The following ZEB2 variants were observed in gnomAD, a reference collection of about 807,000 sequenced individuals.
ZEB2 encodes the protein zinc finger E-box-binding homeobox 2.
In ZEB2, 6 loss-of-function variants were observed where a neutral mutation model predicts 99.9. That is an observed-to-expected ratio of 0.06 (90% CI 0.03 to 0.12). The LOEUF (loss-of-function observed/expected upper bound fraction) is 0.12, where lower values mean the gene tolerates loss of function less well. Among genes scored for constraint, ZEB2 ranks in the 10% least tolerant of loss-of-function variants. The pLI, the probability that ZEB2 is intolerant of heterozygous loss-of-function variation, is 1.00. For missense variants in ZEB2, 969 were observed against 1,502.8 expected, an observed-to-expected ratio of 0.64 and a Z score of 5.87; for synonymous variants, 517 against 542.5, an observed-to-expected ratio of 0.95 and a Z score of 0.65.
At position 144,388,737 on chromosome 2, in the gene ZEB2, G is replaced by A; in HGVS notation, c.*714C>T. 2.7e-6 allele frequency: 1 copy of A among 373,826 alleles called. No homozygotes were observed. The highest frequency in any genetic ancestry group is 5.2e-6 in the Non-Finnish European group (1 of 191,868). The allele number at this position is 373,826 out of a possible 1,614,324, so 23.2% of individuals were successfully genotyped here. A position where few individuals can be genotyped will look rare whatever the true frequency, so the allele number is the denominator to read the frequency against. On this transcript the variant is annotated 3_prime_UTR_variant, in exon 10 of 10. Transcript: ENST00000627532. The surrounding 1 kb of genome is among the most constrained non-coding windows in gnomAD (Gnocchi z 5.4). ...ACACTGTACAAGGATGGCACTTGCA[G>A]AAACACAGATTAAAAGGTTTGCATA...
intron 2 of ZEB2, among the ~76,000 whole-genome samples, chr2:144,505,150 GAA>G (rs201575142): frequency 8.2e-6 from 1 of 122,052 alleles, no homozygotes. Flanking sequence ...AGAGAGAGAA[GAA>G]AAAAAAAAAA....
chr2:144,448,441 G>A (rs991714272), intron 2 of ZEB2, among the ~76,000 whole-genome samples: 1 of 152,154 alleles, frequency 6.6e-6, no homozygotes, highest in Non-Finnish European at 1.5e-5. Flanking sequence ...GCTAAGTGGT[G>A]AAATTGAGTT....
chr2:144,464,062 G>T (rs1376425494), intron 2 of ZEB2: 1 of 152,164 alleles, frequency 6.6e-6, no homozygotes, highest in Non-Finnish European at 1.5e-5. Context: ...ACTTAGTCTA[G>T]AACCTTGTAG....
chr2:144,403,885 A>C, intron 6 of ZEB2, 31 bp downstream of exon 6: 1 of 1,612,964 alleles, frequency 6.2e-7, no homozygotes, highest in Non-Finnish European at 8.5e-7. Context: ...GGGTTATTAT[A>C]GAAAGAAATC....
chr2:144,509,701 G>A (rs1425317949), intron 2 of ZEB2, among the ~76,000 whole-genome samples: 1 of 152,088 alleles, frequency 6.6e-6, no homozygotes, highest in Non-Finnish European at 1.5e-5. Context: ...TCTCAAAAGT[G>A]GTTTCAGAAA....
chr2:144,510,346 C>T (rs769799999), intron 2 of ZEB2, among the ~76,000 whole-genome samples: 3 of 151,638 alleles, frequency 2.0e-5, no homozygotes, highest in Admixed American at 6.6e-5. Flanking sequence ...CCAGCTCGCC[C>T]GTCCCTCCCA....
At chr2:144,464,701 A>G (rs1704247159) in intron 2 of ZEB2, among the ~76,000 whole-genome samples, 2 of 152,188 alleles carry the variant, frequency 1.3e-5, no homozygotes, top group Admixed American at 1.3e-4. Context: ...CTCAGTACAC[A>G]CAGTACACAA....
At chr2:144,397,917 A>G (rs1573714665) in intron 8 of ZEB2, 1 of 341,848 alleles carries the variant, frequency 2.9e-6, no homozygotes, top group South Asian at 2.4e-5. Context: ...CTGGGATTAC[A>G]GGCATGAGCC....
chr2:144,458,884 A>G (rs1299311457), intron 2 of ZEB2, among the ~76,000 whole-genome samples: 1 of 152,192 alleles, frequency 6.6e-6, no homozygotes, highest in Non-Finnish European at 1.5e-5. Context: ...ATTTTGAGAT[A>G]CCAAGAATAA....
chr2:144,495,729 C>G (rs1704748545), intron 2 of ZEB2: 1 of 152,288 alleles, frequency 6.6e-6, no homozygotes, highest in African/African-American at 2.4e-5. Flanking sequence ...TGATTTTCCT[C>G]ACTTCACTGG....
chr2:144,507,821 G>A (rs1477019675), intron 2 of ZEB2, among the ~76,000 whole-genome samples: 1 of 152,152 alleles, frequency 6.6e-6, no homozygotes, highest in African/African-American at 2.4e-5. Flanking sequence ...GTTGCTGAGG[G>A]GAGACAAAGT....
chr2:144,491,935 T>C (rs1704686722), intron 2 of ZEB2, among the ~76,000 whole-genome samples: 1 of 152,244 alleles, frequency 6.6e-6, no homozygotes, highest in Non-Finnish European at 1.5e-5. Context: ...TTTGAATGTA[T>C]TTCTGGTATG....
intron 2 of ZEB2, among the ~76,000 whole-genome samples, chr2:144,443,560 C>T (rs1226853120): frequency 1.3e-5 from 2 of 152,034 alleles, no homozygotes; most frequent in Admixed American, 1.3e-4. Context: ...TTAAGCGTAA[C>T]CTGAGTTGTA....
chr2:144,462,534 A>G (rs1037098017), intron 2 of ZEB2: 12 of 152,210 alleles, frequency 7.9e-5, no homozygotes, highest in Admixed American at 7.2e-4. Flanking sequence ...GAGCATAAAA[A>G]TAGAATAAAG....
chr2:144,440,516 T>TATATATATATATATA (rs1491431111), intron 2 of ZEB2, among the ~76,000 whole-genome samples: 7 of 10,012 alleles, frequency 7.0e-4, no homozygotes, highest in Admixed American at 1.5e-3. Flanking sequence ...TATATATATA[T>TATATATATATATATA]TTTTTTTTTT....
At chr2:144,517,871 A>T (rs1290613254) in intron 1 of ZEB2, 2 of 482,530 alleles carry the variant, frequency 4.1e-6, no homozygotes, top group Admixed American at 3.4e-5. Context: ...CAAACAAACA[A>T]CGCGAAACAG....
intron 4 of ZEB2, among the ~76,000 whole-genome samples, chr2:144,419,705 T>C (rs566497885): frequency 6.6e-5 from 10 of 152,316 alleles, no homozygotes; most frequent in South Asian, 6.2e-4. Flanking sequence ...TTAAATCCTA[T>C]TAATATCTGA....
chr2:144,401,152 T>A lies in ZEB2; in HGVS notation c.916+47A>T, dbSNP rs756453963. The A allele has an allele frequency of 1.9e-6, 3 of 1,541,196 alleles. No homozygotes were observed. The East Asian group carries it at 6.7e-5, about 35-fold the overall frequency. On this transcript the variant is annotated intron_variant, in intron 7 of 9. Coordinates refer to ENST00000627532, the MANE Select transcript of ZEB2 (RefSeq NM_014795.4). The stretch of plus-strand genomic sequence containing the variant: ...TTTAAACAATCTTTTAAAACTCCCC[T>A]AATTAAGTAAAATGCAAATGCGAGC...
chr2:144,424,568 T>A, intron 4 of ZEB2: 1 of 638,974 alleles, frequency 1.6e-6, no homozygotes, highest in Non-Finnish European at 2.8e-6. Flanking sequence ...AGTTCAGTAT[T>A]CTTGAGCGTC....
Sources: gnomAD v4.1 joint callset for allele counts (sites outside exome capture counted in the v4.1 genomes callset) on GRCh38, gnomAD v4.1.1 for gene constraint, Gnocchi (gnomAD v3.1) non-coding constraint, MANE v1.5 for transcripts, NCBI Gene and HGNC (gene_info 2026-07-23, HGNC 2026-07-21) for gene names.